Variants in GRB14 observed in about 807,000 individuals in gnomAD.
The protein encoded by GRB14 is growth factor receptor bound protein 14, also known as growth factor receptor-bound protein 14.
GRB14 carries 38 observed loss-of-function variants against 69.1 expected under a neutral mutation model. The ratio of observed to expected loss-of-function variants is 0.55; its 90% confidence interval spans 0.42 to 0.72. GRB14 has a LOEUF of 0.72. Among genes scored for constraint, GRB14 ranks in the 30% least tolerant of loss-of-function variants. The pLI is 0.00. For missense variants in GRB14, 666 were observed against 666.1 expected (o/e 1.00, Z 0.00); for synonymous variants, 247 against 241.3 (o/e 1.02, Z -0.22).
chr2:164,569,741 C>T (rs1689082004), intron 2 of GRB14, among the ~76,000 whole-genome samples: 1 of 152,122 alleles, frequency 6.6e-6, no homozygotes, highest in South Asian at 2.1e-4. Context: ...CCAAAAATCC[C>T]TCAGAATGGT....
intron 2 of GRB14, among the ~76,000 whole-genome samples, chr2:164,610,437 C>T (rs1455826890): frequency 6.6e-6 from 1 of 151,932 alleles, no homozygotes; most frequent in African/African-American, 2.4e-5. Context: ...ATCAAATTTT[C>T]ATACGTGTTA....
At chr2:164,604,625 C>A (rs1453666752) in intron 2 of GRB14, among the ~76,000 whole-genome samples, 3 of 150,960 alleles carry the variant, frequency 2.0e-5, no homozygotes, top group African/African-American at 7.3e-5. Flanking sequence ...CATGTATGAA[C>A]AATCTCTTCT....
At chr2:164,538,200 A>G (rs1688131572) in intron 3 of GRB14, among the ~76,000 whole-genome samples, 1 of 152,132 alleles carries the variant, frequency 6.6e-6, no homozygotes, top group Non-Finnish European at 1.5e-5. Context: ...TGGAAATCTC[A>G]GCTGTCCCTA....
chr2:164,519,280 A>T (rs962396019), intron 6 of GRB14, among the ~76,000 whole-genome samples: 2 of 152,090 alleles, frequency 1.3e-5, no homozygotes, highest in Non-Finnish European at 2.9e-5. Context: ...TCACATGTTC[A>T]TCTCAATAGC....
chr2:164,508,576 T>A, intron 7 of GRB14, 26 bp from the exon 8 acceptor site: 1 of 1,590,362 alleles, frequency 6.3e-7, no homozygotes, highest in Non-Finnish European at 8.6e-7. Context: ...ACATTGTTTA[T>A]CGTTAATGCA....
chr2:164,585,976 A>C (rs1359412377), intron 2 of GRB14, among the ~76,000 whole-genome samples: 6 of 152,242 alleles, frequency 3.9e-5, no homozygotes. Flanking sequence ...TAGATCACAG[A>C]TGAACATGAC....
At chr2:164,592,610 G>T (rs886383324) in intron 2 of GRB14, among the ~76,000 whole-genome samples, 1 of 152,130 alleles carries the variant, frequency 6.6e-6, no homozygotes, top group African/African-American at 2.4e-5. Flanking sequence ...TATTCATATG[G>T]CCTTCCTCTT....
intron 2 of GRB14, chr2:164,574,187 A>AT (rs1689189937): frequency 1.7e-6 from 1 of 572,316 alleles, no homozygotes; most frequent in African/African-American, 1.9e-5. Flanking sequence ...ACCACTAGCC[A>AT]TTTTTTCCCC....
chr2:164,562,020 A>G (rs1688841621), intron 2 of GRB14, among the ~76,000 whole-genome samples: 1 of 152,244 alleles, frequency 6.6e-6, no homozygotes, highest in Non-Finnish European at 1.5e-5. Context: ...ATAGCAGGTC[A>G]GTATCTAAAG....
At chr2:164,597,253 AATGTGCAAGGATTTACAGG>A (rs996153002) in intron 2 of GRB14, among the ~76,000 whole-genome samples, 1 of 152,240 alleles carries the variant, frequency 6.6e-6, no homozygotes, top group Non-Finnish European at 1.5e-5. Flanking sequence ...AAACACAGGC[AATGTGCAAGGATTTACAGG>A]ATGTCAAAAT....
Position 164,527,014 on chromosome 2 carries a change from C to G in GRB14, c.603G>C (p.Met201Ile). Reference protein sequence around the residue: ...YAKYEFFKNPMYFFPEHMVSF... With the variant: ...YAKYEFFKNPIYFFPEHMVSF... ...AACTATTAGGAGGGATTTCACTTACCATTGGGTTTTTAAAGAACTCATATT... is the reference window on the plus strand; with the variant it reads ...AACTATTAGGAGGGATTTCACTTACGATTGGGTTTTTAAAGAACTCATATT... The change falls in exon 4 of 14, where the codon ATG (methionine) becomes ATC (isoleucine). Residue 201 changes from methionine to isoleucine, a missense_variant and splice_region_variant. Coordinates refer to ENST00000263915, the MANE Select transcript of GRB14 (RefSeq NM_004490.3). The G allele has an allele frequency of 6.4e-7, 1 of 1,574,542 alleles. No homozygotes were observed. The highest frequency in any genetic ancestry group is 1.1e-5 in the South Asian group (1 of 87,080).
intron 2 of GRB14, among the ~76,000 whole-genome samples, chr2:164,562,433 G>A (rs1332063150): frequency 1.3e-5 from 2 of 152,098 alleles, no homozygotes; most frequent in Admixed American, 6.6e-5. Context: ...AAAGCAGTGG[G>A]AGCAAGCATT....
intron 6 of GRB14, among the ~76,000 whole-genome samples, chr2:164,514,807 GC>G (rs1431899936): frequency 6.6e-6 from 1 of 152,164 alleles, no homozygotes; most frequent in Non-Finnish European, 1.5e-5. Context: ...GAGGCTGGTT[GC>G]CTGAGGCAAG....
intron 2 of GRB14, among the ~76,000 whole-genome samples, chr2:164,572,559 T>C (rs1490045254): frequency 6.6e-6 from 1 of 152,230 alleles, no homozygotes; most frequent in African/African-American, 2.4e-5. Context: ...TTATTTCATT[T>C]TATTCTAACA....
chr2:164,616,392 CT>C (rs1333371916), intron 2 of GRB14, among the ~76,000 whole-genome samples: 1 of 134,142 alleles, frequency 7.5e-6, no homozygotes, highest in Non-Finnish European at 1.5e-5. Flanking sequence ...TGCCACTGCA[CT>C]CCAGCCTGGG....
At chr2:164,608,208 C>T (rs1690084213) in intron 2 of GRB14, among the ~76,000 whole-genome samples, 2 of 152,134 alleles carry the variant, frequency 1.3e-5, no homozygotes, top group South Asian at 4.1e-4. Flanking sequence ...ACCATCTCTA[C>T]TAAAAATGCA....
At chr2:164,536,545 A>G (rs1688084169) in intron 3 of GRB14, among the ~76,000 whole-genome samples, 1 of 152,198 alleles carries the variant, frequency 6.6e-6, no homozygotes. Context: ...CTTTCAGTAT[A>G]TTCCTTTCTT....
chr2:164,577,597 T>C (rs1330334592), intron 2 of GRB14, among the ~76,000 whole-genome samples: 2 of 152,208 alleles, frequency 1.3e-5, no homozygotes, highest in Non-Finnish European at 2.9e-5. Context: ...AGTTGAACTG[T>C]GAGTCAATCA....
chr2:164,619,472 A>C (rs900141748), intron 2 of GRB14, among the ~76,000 whole-genome samples: 1 of 152,158 alleles, frequency 6.6e-6, no homozygotes, highest in Non-Finnish European at 1.5e-5. Flanking sequence ...CCATCCCAAG[A>C]CCCTCGGAGG....
Sources: allele counts gnomAD v4.1 joint callset (sites outside exome capture counted in the v4.1 genomes callset), GRCh38; gene constraint gnomAD v4.1.1; transcripts MANE v1.5; gene names NCBI Gene and HGNC (gene_info 2026-07-23, HGNC 2026-07-21).